TMEM63C: variants seen among roughly 807,000 people sequenced by gnomAD.
TMEM63C encodes transmembrane protein 63C.
In TMEM63C, 32 loss-of-function variants were observed where a neutral mutation model predicts 99.2. The observed-to-expected ratio is 0.32, with a 90% CI of 0.24 to 0.43. TMEM63C has a LOEUF of 0.43. Ranked by LOEUF, TMEM63C falls within the 20% of genes least tolerant of loss-of-function variation. TMEM63C has a pLI of 1.00. For missense variants in TMEM63C, 826 were observed against 1,053.0 expected (o/e 0.78, Z 2.98); for synonymous variants, 376 against 397.9 (o/e 0.94, Z 0.66).
At chr14:77,246,485 G>A in intron 17 of TMEM63C, 124 bp from the exon 18 acceptor site, 2 of 836,100 alleles carry the variant, frequency 2.4e-6, no homozygotes, top group East Asian at 2.7e-5. Context: ...GGGGAAGTGT[G>A]GACTGGCCAG....
chr14:77,200,528 G>A (rs1192731393), intron 1 of TMEM63C, among the ~76,000 whole-genome samples: 1 of 152,178 alleles, frequency 6.6e-6, no homozygotes, highest in Non-Finnish European at 1.5e-5. Context: ...ACCCATCACT[G>A]GACCAGCTGT....
chr14:77,207,715 T>C (rs1888426673), intron 1 of TMEM63C, among the ~76,000 whole-genome samples: 1 of 152,238 alleles, frequency 6.6e-6, no homozygotes, highest in South Asian at 2.1e-4. Context: ...TTGTGAGGAA[T>C]AAACGATGTT....
At chr14:77,238,857 T>C in intron 10 of TMEM63C, 90 bp downstream of exon 10, 1 of 1,057,126 alleles carries the variant, frequency 9.5e-7, no homozygotes, top group Non-Finnish European at 1.4e-6. Flanking sequence ...TGGTGCAGGA[T>C]GGTGGGACTG....
In TMEM63C at chr14:77,253,349, C is replaced by A. The variant is rs1309215030; in HGVS notation, c.2193C>A (p.Ser731Arg). 1 of 1,612,824 alleles carries A rather than the reference C, an allele frequency of 6.2e-7. No individual in the cohort carries two copies. Among genetic ancestry groups the A allele is most frequent in the Admixed American group, 1.7e-5 (1 of 59,926 alleles). The change falls in exon 23 of 24, where the codon AGC becomes AGA. Residue 731 changes from serine (S) to arginine (R), a missense_variant. By Grantham distance (110) the Ser-to-Arg change is moderately radical (BLOSUM62 -1). Coordinates refer to ENST00000298351, the MANE Select transcript of TMEM63C (RefSeq NM_020431.4). ...AGACAGTGTTTGACATGGAGCCAAGCAGCACCTCCTCCACGCCCACCTCCC... is the reference window on the plus strand; with the variant it reads ...AGACAGTGTTTGACATGGAGCCAAGAAGCACCTCCTCCACGCCCACCTCCC... ...EIQTVFDMEP[S>R]STSSTPTSLL...
intron 7 of TMEM63C, 133 bp from the exon 8 acceptor site, chr14:77,233,319 G>A (rs1483891211): frequency 2.3e-6 from 2 of 881,562 alleles, no homozygotes; most frequent in East Asian, 5.3e-5. Flanking sequence ...GAGAAGCTCT[G>A]GGGAACCAGA....
chr14:77,215,613 A>AG (rs1555347229), intron 2 of TMEM63C, among the ~76,000 whole-genome samples: 20 of 143,934 alleles, frequency 1.4e-4, no homozygotes, highest in Admixed American at 2.1e-4. Context: ...AAAAAAAAAA[A>AG]AAAAAGAAAA....
chr14:77,230,635 A>G (rs987679059), intron 6 of TMEM63C, among the ~76,000 whole-genome samples: 2 of 152,116 alleles, frequency 1.3e-5, no homozygotes, highest in Non-Finnish European at 2.9e-5. Context: ...AACTGCACAT[A>G]TGAGGGATCT....
chr14:77,248,838 G>A lies in TMEM63C; in HGVS notation c.1836G>A (p.Ala612=), dbSNP rs377406894. 4.4e-5 allele frequency: 71 copies of A among 1,613,946 alleles called. No homozygotes were observed. Among genetic ancestry groups the A allele is most frequent in the South Asian group, 1.3e-4 (12 of 91,084 alleles). ...WMMNVFSVVM[A]YSITCPIIVP... is the part of the protein sequence containing the mutation. ...TGAACGTGTTCAGCGTGGTGATGGC[G>A]TACAGCATCACTTGCCCCATCATTG... is the stretch of plus-strand genomic sequence containing the variant. Residue 612 remains alanine (A), a synonymous_variant, in exon 20 of 24, where the codon GCG becomes GCA. Coordinates refer to ENST00000298351, the MANE Select transcript of TMEM63C (RefSeq NM_020431.4).
intron 6 of TMEM63C, among the ~76,000 whole-genome samples, chr14:77,229,330 G>A (rs937695469): frequency 5.3e-5 from 8 of 152,116 alleles, no homozygotes; most frequent in Non-Finnish European, 1.0e-4. Flanking sequence ...CTGGGAGACA[G>A]AGGTTGCAGT....
chr14:77,226,767 ATT>A (rs10709163), intron 6 of TMEM63C, among the ~76,000 whole-genome samples: 35,887 of 129,596 alleles, frequency 0.28, 4,683 homozygotes, highest in East Asian at 0.52. Flanking sequence ...ATCAGTTGGG[ATT>A]TTTTTTTTTT....
At chr14:77,213,956 C>G (rs1490402644) in intron 2 of TMEM63C, among the ~76,000 whole-genome samples, 1 of 152,028 alleles carries the variant, frequency 6.6e-6, no homozygotes, top group African/African-American at 2.4e-5. Context: ...TTTGTGCACC[C>G]CTTCTGTTTC....
intron 17 of TMEM63C, among the ~76,000 whole-genome samples, chr14:77,246,240 G>A (rs938311562): frequency 1.3e-5 from 2 of 152,226 alleles, no homozygotes; most frequent in African/African-American, 4.8e-5. Context: ...TCATCTGGCT[G>A]GGGACACAAG....
At chr14:77,190,775 C>T (rs756597469) in intron 1 of TMEM63C, among the ~76,000 whole-genome samples, 1 of 152,122 alleles carries the variant, frequency 6.6e-6, no homozygotes, top group East Asian at 1.9e-4. Flanking sequence ...TATTGCTTAA[C>T]ATGATTTTGT....
intron 20 of TMEM63C, 66 bp downstream of exon 20, chr14:77,248,938 C>T (rs1889311785): frequency 2.8e-6 from 4 of 1,416,686 alleles, no homozygotes; most frequent in Admixed American, 3.3e-5. Context: ...AATTGAGCCT[C>T]ACAACATCAG....
chr14:77,251,725 T>C, intron 21 of TMEM63C, 64 bp from the exon 22 acceptor site: 1 of 1,360,640 alleles, frequency 7.3e-7, no homozygotes, highest in Non-Finnish European at 1.1e-6. Context: ...CCCTGGCATC[T>C]GCCAGTTGGG....
At chr14:77,241,577 G>A (rs547673048) in intron 13 of TMEM63C, among the ~76,000 whole-genome samples, 1 of 152,294 alleles carries the variant, frequency 6.6e-6, no homozygotes, top group South Asian at 2.1e-4. Context: ...CCCTACAAAG[G>A]AAGAGCAGAA....
At chr14:77,233,366 C>G (rs563884727) in intron 7 of TMEM63C, 86 bp from the exon 8 acceptor site, 187 of 1,382,992 alleles carry the variant, frequency 1.4e-4, no homozygotes, top group Non-Finnish European at 1.7e-4. Flanking sequence ...CTCCAGACCC[C>G]ACGCATTTGT....
At chr14:77,221,647 A>C (rs1200429987) in intron 5 of TMEM63C, among the ~76,000 whole-genome samples, 17 of 34,488 alleles carry the variant, frequency 4.9e-4, no homozygotes, top group African/African-American at 5.0e-4. Flanking sequence ...TCCCTCTCAC[A>C]CCTCCCCTCC....
At chr14:77,225,318 G>C in intron 5 of TMEM63C, 106 bp from the exon 6 acceptor site, 1 of 972,196 alleles carries the variant, frequency 1.0e-6, no homozygotes, top group South Asian at 1.8e-5. Flanking sequence ...GGAGGCCCCG[G>C]ACGCTGCCGC....
Sources: gnomAD v4.1 joint callset for allele counts (sites outside exome capture counted in the v4.1 genomes callset) on GRCh38, gnomAD v4.1.1 for gene constraint, MANE v1.5 for transcripts, NCBI Gene and HGNC (gene_info 2026-07-23, HGNC 2026-07-21) for gene names.